The following WWOX variants were observed in gnomAD, a reference collection of about 807,000 sequenced individuals.
WWOX encodes the protein WW domain-containing oxidoreductase.
WWOX carries 69 observed loss-of-function variants against 46.2 expected under a neutral mutation model. The observed-to-expected ratio is 1.49, with a 90% confidence interval of 1.23 to 1.82. WWOX has a LOEUF of 1.82. Among genes scored for constraint, WWOX ranks in the 40% most tolerant of loss-of-function variants. The pLI is 0.00. For synonymous variants in WWOX, 359 were observed against 202.6 expected, an observed-to-expected ratio of 1.77 and a Z score of -6.56; for missense variants, 919 against 542.6, an observed-to-expected ratio of 1.69 and a Z score of -6.89.
chr16:79,002,624 A>C (rs894619763), intron 8 of WWOX, among the ~76,000 whole-genome samples: 1 of 152,220 alleles, frequency 6.6e-6, no homozygotes, highest in Non-Finnish European at 1.5e-5. Context: ...CTGACTTTGC[A>C]TGAGGCCCTT....
intron 5 of WWOX, among the ~76,000 whole-genome samples, chr16:78,183,416 T>C (rs117252482): frequency 1.7e-4 from 26 of 152,124 alleles, no homozygotes; most frequent in Non-Finnish European, 3.5e-4. Flanking sequence ...TTCTTTGACT[T>C]TGGTGGTCTA....
chr16:79,018,899 C>T (rs2047471405), intron 8 of WWOX, among the ~76,000 whole-genome samples: 1 of 151,726 alleles, frequency 6.6e-6, no homozygotes, highest in Non-Finnish European at 1.5e-5. Flanking sequence ...CCATGTAATC[C>T]CAACACTTTG....
At chr16:78,924,524 T>A (rs1475054910) in intron 8 of WWOX, among the ~76,000 whole-genome samples, 1 of 152,210 alleles carries the variant, frequency 6.6e-6, no homozygotes. Flanking sequence ...TACTCAAGAT[T>A]CTCTTCAGCC....
intron 8 of WWOX, among the ~76,000 whole-genome samples, chr16:78,524,570 A>G (rs1450844509): frequency 6.6e-6 from 1 of 151,548 alleles, no homozygotes; most frequent in South Asian, 2.1e-4. Flanking sequence ...ACAGTTGTGC[A>G]CCACCAGGCT....
intron 8 of WWOX, among the ~76,000 whole-genome samples, chr16:78,524,005 G>A (rs1450080203): frequency 6.6e-6 from 1 of 152,146 alleles, no homozygotes; most frequent in South Asian, 2.1e-4. Context: ...ATTCACTTAG[G>A]ACTCTGTTTC....
At chr16:78,430,976 T>C (rs889602197) in intron 7 of WWOX, among the ~76,000 whole-genome samples, 4 of 152,222 alleles carry the variant, frequency 2.6e-5, no homozygotes, top group East Asian at 1.9e-4. Flanking sequence ...ATAGCAGTTA[T>C]CTAGAGGATT....
chr16:79,034,772 A>G (rs2047833319), intron 8 of WWOX, among the ~76,000 whole-genome samples: 1 of 152,170 alleles, frequency 6.6e-6, no homozygotes, highest in Non-Finnish European at 1.5e-5. Context: ...CTTACTTGGA[A>G]TGCCATAAAT....
chr16:78,944,814 C>G (rs1463108856), intron 8 of WWOX, among the ~76,000 whole-genome samples: 1 of 152,184 alleles, frequency 6.6e-6, no homozygotes, highest in Non-Finnish European at 1.5e-5. Flanking sequence ...GGTTCCTTGA[C>G]ATTCCCACAT....
intron 8 of WWOX, among the ~76,000 whole-genome samples, chr16:79,066,572 C>A (rs2048445786): frequency 6.6e-6 from 1 of 152,134 alleles, no homozygotes; most frequent in Non-Finnish European, 1.5e-5. Flanking sequence ...GATTTCTTTC[C>A]CCCTTATTTC....
chr16:78,836,490 C>T (rs1433597451), intron 8 of WWOX, among the ~76,000 whole-genome samples: 3 of 152,198 alleles, frequency 2.0e-5, no homozygotes, highest in African/African-American at 7.2e-5. Context: ...TAGGATCTCA[C>T]ATTGGTATTT....
chr16:78,346,668 C>T (rs1000649117), intron 5 of WWOX, among the ~76,000 whole-genome samples: 1 of 119,156 alleles, frequency 8.4e-6, no homozygotes, highest in African/African-American at 2.8e-5. Flanking sequence ...TGATTTTGAA[C>T]ATGAAAACTA....
intron 8 of WWOX, among the ~76,000 whole-genome samples, chr16:78,739,765 C>G (rs544255859): frequency 1.3e-5 from 2 of 152,080 alleles, no homozygotes; most frequent in Non-Finnish European, 2.9e-5. Flanking sequence ...GAGCCGAGAT[C>G]GTACCATTGC....
At chr16:78,463,472 C>T (rs2084001501) in intron 8 of WWOX, among the ~76,000 whole-genome samples, 1 of 152,208 alleles carries the variant, frequency 6.6e-6, no homozygotes, top group African/African-American at 2.4e-5. Flanking sequence ...AGCTATCCAG[C>T]ATTGTCCAGT....
chr16:78,123,689 C>G (rs763125490), intron 4 of WWOX: 1 of 151,594 alleles, frequency 6.6e-6, no homozygotes, highest in Non-Finnish European at 1.5e-5. Flanking sequence ...AACTCCTGAC[C>G]TCATGATCCA....
In WWOX at chr16:78,802,805, A is replaced by T. The variant is rs1405892938; in HGVS notation, c.1056+370053A>T. 4.6e-5 allele frequency among the ~76,000 whole-genome samples: 7 copies of T among 151,336 alleles called. No homozygotes were observed. In the East Asian group the frequency reaches 1.4e-3, roughly 30 times the overall value. ...GTGGTGGGCGCCTGTAATCCCAGCT[A>T]CATGGGAGGCTGAAGCAGGAGAATT... On this transcript the variant is annotated intron_variant, in intron 8 of 8. Coordinates refer to ENST00000566780, the MANE Select transcript of WWOX (RefSeq NM_016373.4).
At position 78,452,737 on chromosome 16, in the gene WWOX, G is replaced by A. The variant is rs12051140; in HGVS notation, c.1056+19985G>A. 9.4e-3 allele frequency among the ~76,000 whole-genome samples: 1,432 copies of A among 151,666 alleles called. 47 individuals are homozygous for A. The East Asian group carries it at 0.11, about 12-fold the overall frequency. Reference sequence around the variant, plus strand: ...TGTGATCGGCCTGCCTTGGCCTCCCGAAGTGCTGGGATTACAGGCATGAAC... The same window carrying A: ...TGTGATCGGCCTGCCTTGGCCTCCCAAAGTGCTGGGATTACAGGCATGAAC... On this transcript the variant is annotated intron_variant, in intron 8 of 8. Coordinates refer to ENST00000566780, the MANE Select transcript of WWOX (RefSeq NM_016373.4).
intron 8 of WWOX, among the ~76,000 whole-genome samples, chr16:78,710,191 C>A (rs903637747): frequency 2.0e-5 from 3 of 151,860 alleles, no homozygotes; most frequent in Admixed American, 2.0e-4. Context: ...AGGCTTTCCC[C>A]GTTCAAATCA....
intron 8 of WWOX, among the ~76,000 whole-genome samples, chr16:78,751,215 A>C (rs2049467916): frequency 6.6e-6 from 1 of 151,998 alleles, no homozygotes. Context: ...TTGTGTTTCG[A>C]ACTACATATC....
chr16:79,073,419 A>G (rs2150569650), intron 8 of WWOX, among the ~76,000 whole-genome samples: 1 of 152,134 alleles, frequency 6.6e-6, no homozygotes, highest in East Asian at 1.9e-4. Context: ...ACCTCAGGTG[A>G]TCCACCCAAC....
Sources: allele counts gnomAD v4.1 joint callset (sites outside exome capture counted in the v4.1 genomes callset), GRCh38; gene constraint gnomAD v4.1.1; transcripts MANE v1.5; gene names NCBI Gene and HGNC (gene_info 2026-07-23, HGNC 2026-07-21).